The following CXCL13 variants were observed in gnomAD, a reference collection of about 807,000 sequenced individuals.
CXCL13 encodes the protein C-X-C motif chemokine ligand 13.
A neutral mutation model predicts 12.2 loss-of-function variants in CXCL13; 7 were observed. The ratio of observed to expected loss-of-function variants is 0.57; its 90% confidence interval spans 0.33 to 1.07. The LOEUF is 1.07. CXCL13 is among the 50% of genes least tolerant of loss of function. The pLI is 0.04. For missense variants in CXCL13, 113 were observed against 127.4 expected, an observed-to-expected ratio of 0.89 and a Z score of 0.55; for synonymous variants, 47 against 42.4, an observed-to-expected ratio of 1.11 and a Z score of -0.42.
intron 1 of CXCL13, among the ~76,000 whole-genome samples, chr4:77,557,274 C>G (rs1330432331): frequency 6.6e-6 from 1 of 152,126 alleles, no homozygotes; most frequent in Admixed American, 6.6e-5. Context: ...GTCTCCTTTC[C>G]TTAGTTCACA....
rs550551966 is a variant in CXCL13, at chr4:77,532,184, C to G, written c.-43+20396C>G. Among the ~76,000 whole-genome samples, 201 of 152,244 alleles carry G rather than the reference C, an allele frequency of 1.3e-3. No homozygotes were observed. In the Middle Eastern group the frequency reaches 0.014, roughly 10 times the overall value. On this transcript the variant is annotated intron_variant, in intron 1 of 4. Transcript: ENST00000286758. ...TGGCATGTTTTTGCAGTGGCTGGTA[C>G]CAGTTGTTCCTTTCCATGTTTAGTG...
intron 1 of CXCL13, among the ~76,000 whole-genome samples, chr4:77,599,184 A>G (rs1726837794): frequency 6.6e-6 from 1 of 152,166 alleles, no homozygotes. Context: ...AACATTAACA[A>G]TATCTAGGTA....
At chr4:77,529,226 T>G (rs547522431) in intron 1 of CXCL13, among the ~76,000 whole-genome samples, 3 of 152,324 alleles carry the variant, frequency 2.0e-5, no homozygotes, top group South Asian at 4.1e-4. Flanking sequence ...GCCTCCAGCT[T>G]TGTTCTTTTG....
At chr4:77,565,312 C>G (rs1386527166) in intron 1 of CXCL13, among the ~76,000 whole-genome samples, 1 of 152,200 alleles carries the variant, frequency 6.6e-6, no homozygotes, top group African/African-American at 2.4e-5. Context: ...TCACAGGGCT[C>G]TTGCACACAC....
At chr4:77,562,753 C>A (rs150676798) in intron 1 of CXCL13, among the ~76,000 whole-genome samples, 2 of 151,986 alleles carry the variant, frequency 1.3e-5, no homozygotes, top group Non-Finnish European at 2.9e-5. Flanking sequence ...ATCAGTGATC[C>A]GTGTCTAGCT....
chr4:77,581,816 C>T (rs1219141606), intron 1 of CXCL13, among the ~76,000 whole-genome samples: 3 of 152,144 alleles, frequency 2.0e-5, no homozygotes, highest in South Asian at 2.1e-4. Context: ...CTGTTGAATC[C>T]GCTGCTTTCT....
Position 77,605,849 on chromosome 4 carries a change from C to G in CXCL13, c.-17C>G. On this transcript the variant is annotated 5_prime_UTR_variant, in exon 1 of 4. Transcript: ENST00000682537. Reference sequence around the variant, plus strand: ...CCTGGACTCAGAGCTCAAGTCTGAACTCTACCTCCAGACAGAATGAAGTTC... The same window carrying G: ...CCTGGACTCAGAGCTCAAGTCTGAAGTCTACCTCCAGACAGAATGAAGTTC... 1 of 1,590,396 alleles carries G rather than the reference C, an allele frequency of 6.3e-7. No individual in the cohort carries two copies. Among genetic ancestry groups the G allele is most frequent in the Non-Finnish European group, 8.6e-7 (1 of 1,163,324 alleles).
At chr4:77,559,391 G>A (rs1725746092) in intron 1 of CXCL13, among the ~76,000 whole-genome samples, 1 of 152,192 alleles carries the variant, frequency 6.6e-6, no homozygotes, top group Admixed American at 6.5e-5. Context: ...CCTAATTGGG[G>A]TGAGAAGGCT....
At chr4:77,597,511 G>A (rs1038175555) in intron 1 of CXCL13, among the ~76,000 whole-genome samples, 3 of 152,140 alleles carry the variant, frequency 2.0e-5, no homozygotes, top group Admixed American at 2.0e-4. Context: ...AATCTAGCCT[G>A]AGGACAATTT....
At chr4:77,568,329 C>T (rs1384924284) in intron 1 of CXCL13, among the ~76,000 whole-genome samples, 5 of 152,166 alleles carry the variant, frequency 3.3e-5, no homozygotes, top group African/African-American at 1.2e-4. Flanking sequence ...TGCAGTCTCC[C>T]ATTGTCTGGG....
At chr4:77,574,161 G>C (rs1726154670) in intron 1 of CXCL13, among the ~76,000 whole-genome samples, 1 of 151,776 alleles carries the variant, frequency 6.6e-6, no homozygotes, top group Non-Finnish European at 1.5e-5. Flanking sequence ...TCTCTTCTTG[G>C]CTCTTGTTTT....
intron 1 of CXCL13, among the ~76,000 whole-genome samples, chr4:77,537,562 G>C (rs577751725): frequency 6.6e-6 from 1 of 152,230 alleles, no homozygotes; most frequent in Non-Finnish European, 1.5e-5. Context: ...TTGGATAACA[G>C]TCATCCATCC....
At chr4:77,604,325 T>G (rs1207018459), upstream of CXCL13, among the ~76,000 whole-genome samples, 1 of 152,158 alleles carries the variant, frequency 6.6e-6, no homozygotes, top group Non-Finnish European at 1.5e-5. Context: ...AGGCTCCCCC[T>G]GCCCAATTCA....
chr4:77,530,268 T>C (rs1724873136), intron 1 of CXCL13, among the ~76,000 whole-genome samples: 2 of 152,226 alleles, frequency 1.3e-5, no homozygotes, highest in South Asian at 4.1e-4. Flanking sequence ...CAGGCTTTGG[T>C]GTCAGGATGA....
chr4:77,521,848 A>G (rs1350226482), intron 1 of CXCL13, among the ~76,000 whole-genome samples: 1 of 152,084 alleles, frequency 6.6e-6, no homozygotes, highest in African/African-American at 2.4e-5. Flanking sequence ...GTGGGCATTT[A>G]GTGCTATAAA....
chr4:77,561,263 G>T (rs1725804116), intron 1 of CXCL13, among the ~76,000 whole-genome samples: 1 of 152,148 alleles, frequency 6.6e-6, no homozygotes, highest in South Asian at 2.1e-4. Context: ...GTAGAAAATT[G>T]TCCCCCACCC....
intron 1 of CXCL13, among the ~76,000 whole-genome samples, chr4:77,595,349 A>G (rs577315872): frequency 1.3e-5 from 2 of 152,288 alleles, no homozygotes; most frequent in African/African-American, 4.8e-5. Flanking sequence ...TGAGTTTAGA[A>G]ACCCAAGTAC....
intron 1 of CXCL13, among the ~76,000 whole-genome samples, chr4:77,537,345 T>A (rs1347082029): frequency 6.6e-6 from 1 of 152,120 alleles, no homozygotes; most frequent in Non-Finnish European, 1.5e-5. Context: ...CTGATTCACA[T>A]AAGGAGCAAG....
intron 1 of CXCL13, among the ~76,000 whole-genome samples, chr4:77,542,390 C>A (rs1183680310): frequency 6.6e-6 from 1 of 151,968 alleles, no homozygotes; most frequent in South Asian, 2.1e-4. Flanking sequence ...TCCTTTGATA[C>A]CAAGTTTGTT....
Sources: gnomAD v4.1 joint callset for allele counts (sites outside exome capture counted in the v4.1 genomes callset) on GRCh38, gnomAD v4.1.1 for gene constraint, MANE v1.5 for transcripts, NCBI Gene and HGNC (gene_info 2026-07-23, HGNC 2026-07-21) for gene names.